GABRA3: variants seen among roughly 807,000 people sequenced by gnomAD.
GABRA3 encodes the protein gamma-aminobutyric acid receptor subunit alpha-3.
Under a neutral mutation model 30.1 loss-of-function variants are expected in GABRA3, and 10 were observed. That is an observed-to-expected ratio of 0.33 (90% CI 0.20 to 0.56). The LOEUF (loss-of-function observed/expected upper bound fraction) is 0.56. Ranked by LOEUF, GABRA3 falls within the 20% of genes least tolerant of loss-of-function variation. The pLI, the probability that GABRA3 is intolerant of heterozygous loss-of-function variation, is 0.89. For synonymous variants in GABRA3, 151 were observed against 146.8 expected, an observed-to-expected ratio of 1.03 and a Z score of -0.21; for missense variants, 233 against 392.0, an observed-to-expected ratio of 0.59 and a Z score of 3.42.
At chrX:152,351,101 C>T (rs1266166219) in intron 2 of GABRA3, among the ~76,000 whole-genome samples, 1 of 111,753 alleles carries the variant, frequency 8.9e-6, no homozygotes, top group Non-Finnish European at 1.9e-5. Flanking sequence ...GTGGATTTAG[C>T]ATAATTCTTA....
intron 1 of GABRA3, among the ~76,000 whole-genome samples, chrX:152,419,182 C>T (rs1197059156): frequency 9.0e-6 from 1 of 110,816 alleles, no homozygotes; most frequent in African/African-American, 3.3e-5. Context: ...TGGAGATATA[C>T]CTAATGTTAA....
intron 1 of GABRA3, among the ~76,000 whole-genome samples, chrX:152,443,292 G>A (rs1464165833): frequency 6.3e-5 from 7 of 111,817 alleles, no homozygotes; most frequent in African/African-American, 2.3e-4. Context: ...AAACAGTAAG[G>A]TACCATTTTG....
chrX:152,287,534 T>G (rs930017170), intron 3 of GABRA3, among the ~76,000 whole-genome samples: 2 of 111,514 alleles, frequency 1.8e-5, no homozygotes, highest in Admixed American at 1.9e-4. Flanking sequence ...GATTGTAAGT[T>G]TCTTGAGGTA....
At chrX:152,284,584 A>G in intron 4 of GABRA3, 84 bp downstream of exon 4, 1 of 632,003 alleles carries the variant, frequency 1.6e-6, no homozygotes, top group Non-Finnish European at 2.5e-6. Context: ...GAATATAGCT[A>G]CAAGGCCCTG....
chrX:152,226,054 A>G (rs1937946763), intron 5 of GABRA3, among the ~76,000 whole-genome samples: 1 of 111,215 alleles, frequency 9.0e-6, no homozygotes, highest in Non-Finnish European at 1.9e-5. Context: ...GCAATTACCA[A>G]AGAAGCCTGT....
intron 1 of GABRA3, among the ~76,000 whole-genome samples, chrX:152,419,629 C>T (rs1054764574): frequency 1.1e-4 from 12 of 111,473 alleles, no homozygotes; most frequent in African/African-American, 3.6e-4. Context: ...AAGACTTTCC[C>T]CCAAAGAAAA....
At chrX:152,232,857 G>A (rs1034529379) in intron 5 of GABRA3, among the ~76,000 whole-genome samples, 2 of 110,234 alleles carry the variant, frequency 1.8e-5, no homozygotes, top group Non-Finnish European at 3.8e-5. Flanking sequence ...GAAACAAATG[G>A]AGCTACTATT....
In GABRA3 at chrX:152,390,536, T is replaced by C. The variant is rs374371789; in HGVS notation, c.-26-25940A>G. Among the ~76,000 whole-genome samples the C allele has an allele frequency of 6.3e-5, 7 of 110,289 alleles. No homozygotes were observed. In the East Asian group the frequency reaches 8.5e-4, roughly 13 times the overall value. Reference sequence around the variant, plus strand: ...AGACTGGTACTTACCGAGAGGGGCATGGTACAATATTTTCAAAATAAGATG... The same window carrying C: ...AGACTGGTACTTACCGAGAGGGGCACGGTACAATATTTTCAAAATAAGATG... On this transcript the variant is annotated intron_variant, in intron 1 of 9. Transcript: ENST00000370314.
Position 152,368,867 on chromosome X carries a change from A to G in GABRA3, c.-26-4271T>C, listed in dbSNP as rs748538820. 4.8e-3 allele frequency among the ~76,000 whole-genome samples: 529 copies of G among 109,106 alleles called. 1 individual carries two copies. Among genetic ancestry groups the G allele is most frequent in the Middle Eastern group, 9.3e-3 (2 of 215 alleles). 94.7% of individuals were successfully genotyped at this position (109,106 alleles called of 115,157 possible). A position where few individuals can be genotyped will look rare whatever the true frequency, so the allele number is the denominator to read the frequency against. ...ACTACAGGCACCGGCCACCACGCCC[A>G]GCTAATTTTTTGTATTTGTAGTAGA... On this transcript the variant is annotated intron_variant, in intron 1 of 9. Transcript: ENST00000370314.
chrX:152,194,137 T>G (rs1346001136), intron 8 of GABRA3, among the ~76,000 whole-genome samples: 1 of 112,591 alleles, frequency 8.9e-6, no homozygotes, highest in African/African-American at 3.2e-5. Context: ...TTATTCTAAA[T>G]GTATTGTTTA....
At chrX:152,261,022 G>A (rs191176333) in intron 4 of GABRA3, among the ~76,000 whole-genome samples, 101 of 111,788 alleles carry the variant, frequency 9.0e-4, no homozygotes, top group African/African-American at 3.1e-3. Flanking sequence ...ATGGCAGAAG[G>A]GGAAGCAAAC....
At chrX:152,313,104 T>C (rs1477676395) in intron 3 of GABRA3, among the ~76,000 whole-genome samples, 3 of 111,391 alleles carry the variant, frequency 2.7e-5, no homozygotes, top group Admixed American at 9.6e-5. Context: ...ATAAATAAAA[T>C]GTATAAAAAT....
At chrX:152,230,531 C>A (rs1938047685) in intron 5 of GABRA3, among the ~76,000 whole-genome samples, 1 of 109,609 alleles carries the variant, frequency 9.1e-6, no homozygotes, top group African/African-American at 3.3e-5. Context: ...AAGCATCTTT[C>A]AAAAAAAATC....
chrX:152,445,398 C>A (rs905929678), intron 1 of GABRA3, among the ~76,000 whole-genome samples: 2 of 111,250 alleles, frequency 1.8e-5, no homozygotes, highest in African/African-American at 6.6e-5. Flanking sequence ...TTATTTCAAA[C>A]CAGCAGTAAT....
rs758137674 is a variant in GABRA3, at chrX:152,306,665, G to C, written c.263-21930C>G. 3.7e-4 allele frequency among the ~76,000 whole-genome samples: 41 copies of C among 111,766 alleles called. No homozygotes were observed. The South Asian group carries it at 0.014, about 39-fold the overall frequency. On this transcript the variant is annotated intron_variant, in intron 3 of 9. Transcript: ENST00000370314. ...CAAAATGAGAAGTTTTACCTCCCAT[G>C]TCTTTGTTAAAGTTTTCTTACTCCT... is the stretch of plus-strand genomic sequence containing the variant.
chrX:152,381,699 AC>A (rs776079861), intron 1 of GABRA3, among the ~76,000 whole-genome samples: 7 of 105,231 alleles, frequency 6.7e-5, no homozygotes, highest in African/African-American at 1.4e-4. Flanking sequence ...CCCTCCCCTA[AC>A]CCCCCCCACC....
At chrX:152,265,892 T>C (rs1938814695) in intron 4 of GABRA3, among the ~76,000 whole-genome samples, 1 of 110,754 alleles carries the variant, frequency 9.0e-6, no homozygotes, top group South Asian at 3.8e-4. Context: ...TAGAAGAAAT[T>C]GAGAAATTCT....
intron 1 of GABRA3, among the ~76,000 whole-genome samples, chrX:152,416,910 A>G (rs1469079564): frequency 9.4e-6 from 1 of 105,866 alleles, no homozygotes; most frequent in East Asian, 3.0e-4. Context: ...TAGACCTAAA[A>G]CCATAAAAAC....
intron 9 of GABRA3, among the ~76,000 whole-genome samples, chrX:152,182,635 A>C (rs367586688): frequency 0.014 from 90 of 6,528 alleles, no homozygotes; most frequent in Non-Finnish European, 0.026. Context: ...TATATACACT[A>C]TATATACACT....
Sources: allele counts gnomAD v4.1 joint callset (sites outside exome capture counted in the v4.1 genomes callset), GRCh38; gene constraint gnomAD v4.1.1; transcripts MANE v1.5; gene names NCBI Gene and HGNC (gene_info 2026-07-23, HGNC 2026-07-21).